The following DAGLA variants were observed in gnomAD, a reference collection of about 807,000 sequenced individuals.
The protein encoded by DAGLA is diacylglycerol lipase-alpha.
In DAGLA, 22 loss-of-function variants were observed where a neutral mutation model predicts 102.6. The observed-to-expected ratio is 0.21, with a 90% CI of 0.15 to 0.31. The LOEUF (loss-of-function observed/expected upper bound fraction) is 0.31, where lower values mean the gene tolerates loss of function less well. DAGLA is among the 10% of genes least tolerant of loss of function. DAGLA has a pLI of 1.00. For synonymous variants in DAGLA, 578 were observed against 628.9 expected, an observed-to-expected ratio of 0.92 and a Z score of 1.21; for missense variants, 927 against 1,446.6, an observed-to-expected ratio of 0.64 and a Z score of 5.83.
intron 1 of DAGLA, among the ~76,000 whole-genome samples, chr11:61,680,980 G>A (rs1174749851): frequency 6.6e-6 from 1 of 152,142 alleles, no homozygotes; most frequent in Non-Finnish European, 1.5e-5. Context: ...CATGATCTGG[G>A]GTGATAGCAC....
intron 5 of DAGLA, 52 bp from the exon 6 acceptor site, chr11:61,725,943 T>C: frequency 2.6e-6 from 4 of 1,531,502 alleles, no homozygotes; most frequent in Non-Finnish European, 3.6e-6. Context: ...GGGTCCCAGC[T>C]CTTCTGGTCC....
intron 8 of DAGLA, among the ~76,000 whole-genome samples, chr11:61,730,346 C>T (rs1281905765): frequency 7.9e-5 from 12 of 151,952 alleles, no homozygotes; most frequent in Admixed American, 6.5e-4. Flanking sequence ...CTGGCAGAGG[C>T]TGCCAGGGCC....
At chr11:61,712,022 C>T (rs58729261) in intron 1 of DAGLA, among the ~76,000 whole-genome samples, 144 of 152,318 alleles carry the variant, frequency 9.5e-4, no homozygotes, top group African/African-American at 3.3e-3. Context: ...TAAATAAACA[C>T]GATCGAGTAA....
In DAGLA at chr11:61,741,337, A is replaced by G. The variant is rs1040302623; in HGVS notation, c.2159A>G (p.Asn720Ser). Residue 720 changes from asparagine (N) to serine (S), a missense_variant, in exon 19 of 20, where the codon AAC (asparagine) becomes AGC (serine). Physicochemically the swap from Asn to Ser is conservative, Grantham distance 46. Coordinates refer to ENST00000257215, the MANE Select transcript of DAGLA (RefSeq NM_006133.3). ...ALELPTADHR[N>S]SSVRSKSQSE... ...GAGCTGCCGACTGCAGACCACCGCA[A>G]CAGCAGCGTCAGGTGAGCCTTGGCC... The G allele has an allele frequency of 4.4e-6, 7 of 1,607,230 alleles. No homozygotes were observed. In the African/African-American group the frequency reaches 6.7e-5, roughly 15 times the overall value.
At position 61,737,768 on chromosome 11, in the gene DAGLA, C is replaced by T; in HGVS notation, c.1583+13C>T. 5.6e-6 allele frequency: 9 copies of T among 1,612,922 alleles called. No homozygotes were observed. The highest frequency in any genetic ancestry group is 7.6e-6 in the Non-Finnish European group (9 of 1,178,890). On this transcript the variant is annotated intron_variant, in intron 15 of 19. Coordinates refer to ENST00000257215, the MANE Select transcript of DAGLA (RefSeq NM_006133.3). The stretch of plus-strand genomic sequence containing the variant: ...ACCTCGTCCCCAGGTGAGTCCTTGG[C>T]CCCGCTCCATGGTCCCTTGCCAGGC...
At chr11:61,713,331 A>G (rs759640104) in intron 1 of DAGLA, among the ~76,000 whole-genome samples, 38 of 152,220 alleles carry the variant, frequency 2.5e-4, no homozygotes, top group Non-Finnish European at 5.0e-4. Context: ...AAGTCACTTC[A>G]GCTCATCTGT....
chr11:61,736,422 G>A, intron 13 of DAGLA, 72 bp downstream of exon 13: 1 of 1,241,382 alleles, frequency 8.1e-7, no homozygotes, highest in Non-Finnish European at 1.2e-6. Flanking sequence ...ACAGAGAGGA[G>A]AGGATGGATG....
rs890059118 is a variant in DAGLA, at chr11:61,746,283, G to A, written c.*1794G>A. ...CACCCTGGCCCTGCTGAGGCATACA[G>A]AGCTTCAGCCCAGCACAGAAGCAAG... On this transcript the variant is annotated 3_prime_UTR_variant, in exon 20 of 20. Coordinates refer to ENST00000257215, the MANE Select transcript of DAGLA (RefSeq NM_006133.3). 2 of 152,436 alleles carry A rather than the reference G, an allele frequency of 1.3e-5. No homozygotes were observed. The highest frequency in any genetic ancestry group is 4.8e-5 in the African/African-American group (2 of 41,456). The allele number at this position is 152,436 out of a possible 1,614,324, so 9.4% of individuals were successfully genotyped here.
At chr11:61,692,983 G>A (rs1477435719) in intron 1 of DAGLA, among the ~76,000 whole-genome samples, 1 of 151,878 alleles carries the variant, frequency 6.6e-6, no homozygotes, top group Non-Finnish European at 1.5e-5. Flanking sequence ...AGGGATCATG[G>A]GTGATTTATA....
At chr11:61,736,647 G>T (rs887187837) in intron 13 of DAGLA, among the ~76,000 whole-genome samples, 1 of 152,264 alleles carries the variant, frequency 6.6e-6, no homozygotes, top group Non-Finnish European at 1.5e-5. Context: ...CCGTTTGTCA[G>T]AAGGAAACAT....
At chr11:61,729,395 C>T (rs1288615595) in intron 8 of DAGLA, among the ~76,000 whole-genome samples, 2 of 152,168 alleles carry the variant, frequency 1.3e-5, no homozygotes, top group Non-Finnish European at 2.9e-5. Context: ...AATCGCCTTT[C>T]GTAGAAATCC....
rs1339547718 is a variant in DAGLA, at chr11:61,746,445, G to A, written c.*1956G>A. ...CCTCCTCTGCCAGGGTGGGTCCTGG[G>A]ACCTCTAATGTGGGCATGTCGTCCA... On this transcript the variant is annotated 3_prime_UTR_variant, in exon 20 of 20. Transcript: ENST00000257215. 6.6e-6 allele frequency: 1 copy of A among 152,470 alleles called. No homozygotes were observed. Among genetic ancestry groups the A allele is most frequent in the Non-Finnish European group, 1.5e-5 (1 of 68,034 alleles). 9.4% of individuals were successfully genotyped at this position (152,470 alleles called of 1,614,324 possible).
chr11:61,725,511 C>T (rs1281789496), intron 5 of DAGLA, among the ~76,000 whole-genome samples: 2 of 152,202 alleles, frequency 1.3e-5, no homozygotes, highest in Non-Finnish European at 2.9e-5. Context: ...TGTCTGAAAT[C>T]CTTTCTGGGG....
At chr11:61,728,898 G>A in intron 7 of DAGLA, 33 bp from the exon 8 acceptor site, 2 of 1,603,778 alleles carry the variant, frequency 1.2e-6, no homozygotes, top group Non-Finnish European at 1.7e-6. Flanking sequence ...GCCTGGGCCA[G>A]TGATTGTCCT....
intron 8 of DAGLA, 137 bp from the exon 9 acceptor site, chr11:61,731,180 C>T: frequency 9.9e-7 from 1 of 1,005,978 alleles, no homozygotes; most frequent in Admixed American, 2.6e-5. Context: ...GCCTGGGCCC[C>T]ACACCTCAAC....
intron 1 of DAGLA, among the ~76,000 whole-genome samples, chr11:61,687,479 G>A (rs183856046): frequency 1.3e-5 from 2 of 152,216 alleles, no homozygotes; most frequent in Non-Finnish European, 2.9e-5. Flanking sequence ...TTACAGGCAC[G>A]TGCCACCACG....
intron 1 of DAGLA, among the ~76,000 whole-genome samples, chr11:61,706,962 G>A (rs1406632319): frequency 6.6e-6 from 1 of 152,248 alleles, no homozygotes; most frequent in Non-Finnish European, 1.5e-5. Context: ...GCTCCTTCAC[G>A]GAAAGGTTCA....
intron 7 of DAGLA, 121 bp from the exon 8 acceptor site, chr11:61,728,810 T>A: frequency 1.3e-6 from 1 of 773,486 alleles, no homozygotes; most frequent in Non-Finnish European, 2.2e-6. Context: ...AGAAGCTGCA[T>A]GCTCGTTTGG....
At position 61,743,748 on chromosome 11, in the gene DAGLA, C is replaced by A. The variant is rs751317821; in HGVS notation, c.2388C>A (p.Arg796=). ...CCCTGTACAGCTTCGACTCGCGCCG[C>A]TCCTCAGGCTTCCGCAGCATCCGGG... ...TESLYSFDSR[R]SSGFRSIRGS... is the part of the protein sequence containing the mutation. Residue 796 remains arginine (R), a synonymous_variant, in exon 20 of 20, where the codon CGC becomes CGA. Coordinates refer to ENST00000257215, the MANE Select transcript of DAGLA (RefSeq NM_006133.3). 8.2e-5 allele frequency: 133 copies of A among 1,612,248 alleles called. No homozygotes were observed. The highest frequency in any genetic ancestry group is 1.1e-4 in the Non-Finnish European group (130 of 1,179,876).
Sources: gnomAD v4.1 joint callset for allele counts (sites outside exome capture counted in the v4.1 genomes callset) on GRCh38, gnomAD v4.1.1 for gene constraint, MANE v1.5 for transcripts, NCBI Gene and HGNC (gene_info 2026-07-23, HGNC 2026-07-21) for gene names.